PPM1E: variants seen among roughly 807,000 people sequenced by gnomAD.
PPM1E encodes protein phosphatase, Mg2+/Mn2+ dependent 1E.
A neutral mutation model predicts 65.9 loss-of-function variants in PPM1E; 20 were observed. That is an observed-to-expected ratio of 0.30 (90% CI 0.21 to 0.44). PPM1E has a LOEUF of 0.44. Ranked by LOEUF, PPM1E falls within the 20% of genes least tolerant of loss-of-function variation. The pLI is 1.00. For synonymous variants in PPM1E, 352 were observed against 374.9 expected (o/e 0.94, Z 0.70); for missense variants, 713 against 953.1 (o/e 0.75, Z 3.32).
At chr17:58,844,338 GAAT>G (rs1321413192) in intron 1 of PPM1E, among the ~76,000 whole-genome samples, 3 of 151,890 alleles carry the variant, frequency 2.0e-5, no homozygotes, top group Admixed American at 2.0e-4. Flanking sequence ...GTATGAAAGT[GAAT>G]AATAAGGGTA....
intron 1 of PPM1E, among the ~76,000 whole-genome samples, chr17:58,816,840 G>C (rs112824666): frequency 1.2e-4 from 16 of 135,188 alleles, no homozygotes; most frequent in Middle Eastern, 9.0e-3. Flanking sequence ...CTGTCAGCCA[G>C]GTTGGAGTGC....
chr17:58,773,054 C>T (rs2049956483), intron 1 of PPM1E, among the ~76,000 whole-genome samples: 1 of 151,440 alleles, frequency 6.6e-6, no homozygotes, highest in Non-Finnish European at 1.5e-5. Context: ...AACTTGAAGA[C>T]TGCCTAAACT....
At chr17:58,788,114 G>T (rs1482357460) in intron 1 of PPM1E, among the ~76,000 whole-genome samples, 1 of 151,906 alleles carries the variant, frequency 6.6e-6, no homozygotes, top group South Asian at 2.1e-4. Flanking sequence ...GCAGTAGCCC[G>T]ATCTCAGCTC....
intron 1 of PPM1E, among the ~76,000 whole-genome samples, chr17:58,917,101 T>G (rs139326015): frequency 0.012 from 1,872 of 151,636 alleles, 12 homozygotes; most frequent in Middle Eastern, 0.038. Context: ...TCCCAACTAC[T>G]CGGGAGGCTG....
chr17:58,799,306 G>C (rs888385418), intron 1 of PPM1E, among the ~76,000 whole-genome samples: 7 of 151,880 alleles, frequency 4.6e-5, no homozygotes, highest in African/African-American at 1.7e-4. Context: ...TTGAGACAAG[G>C]TCTTGTTCTG....
intron 1 of PPM1E, among the ~76,000 whole-genome samples, chr17:58,932,834 C>A (rs1239252774): frequency 2.0e-5 from 3 of 152,270 alleles, no homozygotes; most frequent in African/African-American, 2.4e-5. Flanking sequence ...TCAGGCACCC[C>A]ACAACAACAT....
intron 1 of PPM1E, among the ~76,000 whole-genome samples, chr17:58,933,537 T>C (rs772881636): frequency 2.0e-5 from 3 of 152,200 alleles, no homozygotes; most frequent in Non-Finnish European, 4.4e-5. Flanking sequence ...GGATCACACC[T>C]GTAATCCCAG....
intron 1 of PPM1E, among the ~76,000 whole-genome samples, chr17:58,844,142 T>TA (rs1451751839): frequency 1.3e-5 from 2 of 152,182 alleles, no homozygotes; most frequent in Non-Finnish European, 2.9e-5. Flanking sequence ...CTGTAGGTCC[T>TA]GGGATATTAG....
intron 1 of PPM1E, among the ~76,000 whole-genome samples, chr17:58,824,485 A>G (rs1225686092): frequency 2.0e-5 from 3 of 152,160 alleles, no homozygotes; most frequent in Non-Finnish European, 4.4e-5. Flanking sequence ...TTTTAATGGA[A>G]TCAATCACTT....
intron 1 of PPM1E, among the ~76,000 whole-genome samples, chr17:58,845,464 G>A (rs1317306534): frequency 6.6e-6 from 1 of 151,918 alleles, no homozygotes; most frequent in Non-Finnish European, 1.5e-5. Flanking sequence ...TTGCAAAATT[G>A]AAACTTTCTA....
chr17:58,905,881 G>C (rs1403325714), intron 1 of PPM1E, among the ~76,000 whole-genome samples: 1 of 152,148 alleles, frequency 6.6e-6, no homozygotes, highest in Non-Finnish European at 1.5e-5. Context: ...TTCTGAAAGA[G>C]ACTGTAGAGA....
rs761529716 is a variant in PPM1E, at chr17:58,955,718, T to C, written c.534T>C (p.Leu178=). The change falls in exon 2 of 7, where the codon CTT becomes CTC. Residue 178 remains leucine (L), a synonymous_variant. Coordinates refer to ENST00000308249, the MANE Select transcript of PPM1E (RefSeq NM_014906.5). ...ATSDEVLQSD[L]SAHYIPKETD... is the part of the protein sequence containing the mutation. ...CAGATGAAGTCCTTCAGAGTGATCT[T>C]TCTGCACATTATATCCCAAAGGAAA... The C allele has an allele frequency of 1.9e-6, 3 of 1,613,142 alleles. No individual in the cohort carries two copies. The Admixed American group carries it at 5.0e-5, about 27-fold the overall frequency.
At chr17:58,904,801 C>T (rs1247990032) in intron 1 of PPM1E, among the ~76,000 whole-genome samples, 1 of 151,208 alleles carries the variant, frequency 6.6e-6, no homozygotes, top group Non-Finnish European at 1.5e-5. Context: ...TTCACATTCC[C>T]CACTTATTCA....
At chr17:58,849,353 A>G (rs2050802820) in intron 1 of PPM1E, among the ~76,000 whole-genome samples, 1 of 151,866 alleles carries the variant, frequency 6.6e-6, no homozygotes, top group South Asian at 2.1e-4. Context: ...AGTTCTTTTA[A>G]TTGTGATGTT....
chr17:58,781,058 A>G (rs1186359366), intron 1 of PPM1E, among the ~76,000 whole-genome samples: 1 of 152,138 alleles, frequency 6.6e-6, no homozygotes, highest in Admixed American at 6.6e-5. Context: ...TGGCTAAGGC[A>G]TGAATATAAG....
At chr17:58,974,644 T>A (rs1045450222) in intron 6 of PPM1E, among the ~76,000 whole-genome samples, 1 of 152,352 alleles carries the variant, frequency 6.6e-6, no homozygotes, top group Non-Finnish European at 1.5e-5. Flanking sequence ...GTACATTACA[T>A]GTATACTGCA....
At chr17:58,927,843 G>C (rs1244040107) in intron 1 of PPM1E, among the ~76,000 whole-genome samples, 1 of 152,100 alleles carries the variant, frequency 6.6e-6, no homozygotes, top group Non-Finnish European at 1.5e-5. Context: ...CGGATCATCT[G>C]AGGTCAGGAG....
At position 58,756,291 on chromosome 17, in the gene PPM1E, G is replaced by A. The variant is rs2049762660; in HGVS notation, c.294G>A (p.Glu98=). Residue 98 remains glutamate, a synonymous_variant, in exon 1 of 7, where the codon GAG becomes GAA. Transcript: ENST00000308249. ...AGGCGGCGGTTGAGGGTGAGGAGGA[G>A]GAGGAGGGCGCGGCGACGGCGGCGG... ...EEEAAVEGEE[E]EEGAATAAAA... The A allele has an allele frequency of 6.5e-7, 1 of 1,531,512 alleles. No homozygotes were observed. Among genetic ancestry groups the A allele is most frequent in the South Asian group, 1.2e-5 (1 of 82,422 alleles). 94.9% of individuals were successfully genotyped at this position (1,531,512 alleles called of 1,614,324 possible). A position where few individuals can be genotyped will look rare whatever the true frequency, so the allele number is the denominator to read the frequency against.
intron 1 of PPM1E, among the ~76,000 whole-genome samples, chr17:58,772,125 T>G (rs940514397): frequency 6.6e-6 from 1 of 152,176 alleles, no homozygotes; most frequent in African/African-American, 2.4e-5. Flanking sequence ...CCAAAGCTTG[T>G]TATCTTGCTG....
Sources: gnomAD v4.1 joint callset for allele counts (sites outside exome capture counted in the v4.1 genomes callset) on GRCh38, gnomAD v4.1.1 for gene constraint, MANE v1.5 for transcripts, NCBI Gene and HGNC (gene_info 2026-07-23, HGNC 2026-07-21) for gene names.